Variants in EIF4G2 observed in about 807,000 individuals in gnomAD.
EIF4G2 encodes eukaryotic translation initiation factor 4 gamma 2.
EIF4G2 carries 8 observed loss-of-function variants against 117.7 expected under a neutral mutation model. That is an observed-to-expected ratio of 0.07 (90% CI 0.04 to 0.12). The LOEUF (loss-of-function observed/expected upper bound fraction) is 0.12. Ranked by LOEUF, EIF4G2 falls within the 10% of genes least tolerant of loss-of-function variation. The probability of loss-of-function intolerance (pLI) is 1.00; values close to 1 mark genes in which losing one functional copy is unlikely to be tolerated. For missense variants in EIF4G2, 812 were observed against 1,086.2 expected, an observed-to-expected ratio of 0.75 and a Z score of 3.55; for synonymous variants, 413 against 367.8, an observed-to-expected ratio of 1.12 and a Z score of -1.41.
chr11:10,801,456 C>T, intron 14 of EIF4G2: 1 of 722,884 alleles, frequency 1.4e-6, no homozygotes, highest in South Asian at 1.5e-5. Context: ...CTCTAACAGA[C>T]TTTAGGAGAC....
At position 10,803,854 on chromosome 11, in the gene EIF4G2, T is replaced by C. The variant is rs778578284; in HGVS notation, c.702+45A>G. 1 of 1,580,048 alleles carries C rather than the reference T, an allele frequency of 6.3e-7. No individual in the cohort carries two copies. The highest frequency in any genetic ancestry group is 8.6e-7 in the Non-Finnish European group (1 of 1,160,898). On this transcript the variant is annotated intron_variant, in intron 8 of 21. Transcript: ENST00000339995. The surrounding 1 kb of genome is among the most constrained non-coding windows in gnomAD (Gnocchi z 4.0). ...TTAGATGAATAATTGACTCATTTCC[T>C]CCAAACGACTGACTACATTCGCCTA...
chr11:10,799,930 A>C (rs1400455861), intron 18 of EIF4G2, 160 bp downstream of exon 18: 1 of 1,162,002 alleles, frequency 8.6e-7, no homozygotes, highest in Non-Finnish European at 1.2e-6. Flanking sequence ...GAAAGTAGTT[A>C]AATTATAAAT....
chr11:10,807,108 ATGGCAGTTC>A (rs1847599051), intron 2 of EIF4G2, 138 bp downstream of exon 2: 2 of 1,263,646 alleles, frequency 1.6e-6, no homozygotes, highest in Non-Finnish European at 2.2e-6. Flanking sequence ...TATTCTTCAG[ATGGCAGTTC>A]TTAGAAGGCT....
At chr11:10,800,063 A>C (rs201624742) in intron 18 of EIF4G2, 27 bp downstream of exon 18, 7 of 1,599,980 alleles carry the variant, frequency 4.4e-6, no homozygotes, top group Non-Finnish European at 6.0e-6. Context: ...TTAAAAAAAC[A>C]AAACAAACAA....
In EIF4G2 at chr11:10,802,435, C is replaced by A; in HGVS notation, c.997G>T (p.Asp333Tyr). The change falls in exon 12 of 22, where the codon GAT (aspartate) becomes TAT (tyrosine). Residue 333 changes from aspartate (D) to tyrosine (Y), a missense_variant and splice_region_variant. Asp to Tyr is a radical substitution (Grantham distance 160). Around this residue, in one of 4 missense-constraint regions of EIF4G2, gnomAD observed 154 missense variants for 322.1 expected, o/e 0.48. Coordinates refer to ENST00000339995, the MANE Select transcript of EIF4G2 (RefSeq NM_001418.4). ...GGAGCAGGAATAAACACCCCTAGAT[C>A]CTTTAGAAATGAAGTGAATATGCAC... is the stretch of plus-strand genomic sequence containing the variant. 6.4e-7 allele frequency: 1 copy of A among 1,570,988 alleles called. No individual in the cohort carries two copies.
Position 10,802,181 on chromosome 11 carries a change from A to G in EIF4G2, c.1167T>C (p.Val389=). ...TGGTGGGTGAAAATCTATCCTGGAT[A>G]ACTCCTGGACCAGTACCAATTCCGC... The change falls in exon 13 of 22, where the codon GTT becomes GTC. Residue 389 remains valine (V), a synonymous_variant. Coordinates refer to ENST00000339995, the MANE Select transcript of EIF4G2 (RefSeq NM_001418.4). 1 of 1,614,218 alleles carries G rather than the reference A, an allele frequency of 6.2e-7. No homozygotes were observed. The highest frequency in any genetic ancestry group is 1.3e-5 in the African/African-American group (1 of 75,046).
intron 14 of EIF4G2, 50 bp from the exon 15 acceptor site, chr11:10,801,137 A>G (rs1847404733): frequency 6.2e-7 from 1 of 1,608,350 alleles, no homozygotes; most frequent in Admixed American, 1.7e-5. Flanking sequence ...CAGTTGGCGA[A>G]CATATTAAAT....
In EIF4G2 at chr11:10,803,620, G is replaced by C; in HGVS notation, c.703-30C>G. 1.3e-6 allele frequency: 2 copies of C among 1,576,216 alleles called. No individual in the cohort carries two copies. The highest frequency in any genetic ancestry group is 1.7e-6 in the Non-Finnish European group (2 of 1,148,182). On this transcript the variant is annotated intron_variant, in intron 8 of 21. Transcript: ENST00000339995. The surrounding 1 kb of genome is among the most constrained non-coding windows in gnomAD (Gnocchi z 4.0). ...AAGAATAAAAGGCCATGGTGACAAA[G>C]TTTTAGTTACTCTGGTTTAGGCGTA...
intron 3 of EIF4G2, 92 bp downstream of exon 3, chr11:10,806,728 C>T: frequency 7.1e-7 from 1 of 1,403,602 alleles, no homozygotes; most frequent in Non-Finnish European, 1.0e-6. Context: ...GATTAGGAGT[C>T]TTGATGGCTA....
intron 5 of EIF4G2, 49 bp from the exon 6 acceptor site, chr11:10,804,467 AC>A (rs754697506): frequency 6.5e-7 from 1 of 1,529,366 alleles, no homozygotes; most frequent in Non-Finnish European, 8.8e-7. Flanking sequence ...TTCTCCAAGA[AC>A]CCTTCCTTTA....
chr11:10,798,813 A>T lies in EIF4G2; in HGVS notation c.2658+179T>A, dbSNP rs577789071. 9.3e-6 allele frequency: 7 copies of T among 751,552 alleles called. No homozygotes were observed. The South Asian group carries it at 1.5e-4, about 17-fold the overall frequency. The allele number at this position is 751,552 out of a possible 1,614,324, so 46.6% of individuals were successfully genotyped here. A position where few individuals can be genotyped will look rare whatever the true frequency, so the allele number is the denominator to read the frequency against. On this transcript the variant is annotated intron_variant, in intron 21 of 21. Coordinates refer to ENST00000339995, the MANE Select transcript of EIF4G2 (RefSeq NM_001418.4). ...AACATCTTATACACCACTAGAATTG[A>T]TTCATTGTGTAGCTTTACTTAATAA...
intron 1 of EIF4G2, 129 bp from the exon 2 acceptor site, chr11:10,807,510 T>TTGTACTGTAATTGTCA (rs1168307070): frequency 7.5e-7 from 1 of 1,327,260 alleles, no homozygotes; most frequent in Non-Finnish European, 9.6e-7. Context: ...TAACCTAAAA[T>TTGTACTGTAATTGTCA]GTACTCAAAA....
chr11:10,799,507 C>T (rs1435618122), intron 19 of EIF4G2, 45 bp downstream of exon 19: 2 of 1,609,176 alleles, frequency 1.2e-6, no homozygotes, highest in Non-Finnish European at 1.7e-6. Flanking sequence ...CGCTTCTTTT[C>T]CAGTACATGA....
intron 1 of EIF4G2, chr11:10,808,180 G>A (rs1015924671): frequency 8.9e-5 from 99 of 1,116,898 alleles, no homozygotes; most frequent in Non-Finnish European, 1.1e-4. Context: ...CAACCGCCTC[G>A]CCACGGCCTC....
At position 10,802,108 on chromosome 11, in the gene EIF4G2, T is replaced by G. The variant is rs375575231; in HGVS notation, c.1240A>C (p.Ile414Leu). Residue 414 changes from isoleucine to leucine, a missense_variant, in exon 13 of 22, where the codon ATC becomes CTC. Ile to Leu is a conservative substitution (Grantham distance 5, BLOSUM62 2). Coordinates refer to ENST00000339995, the MANE Select transcript of EIF4G2 (RefSeq NM_001418.4). Reference sequence around the variant, plus strand: ...AACTGCGATTGTGTGGGAGGCATGATGTGTCCCCCATGGCCATTGAAGAGT... The same window carrying G: ...AACTGCGATTGTGTGGGAGGCATGAGGTGTCCCCCATGGCCATTGAAGAGT... 9.5e-6 allele frequency: 11 copies of G among 1,158,630 alleles called. No individual in the cohort carries two copies. Among genetic ancestry groups the G allele is most frequent in the Middle Eastern group, 2.4e-4 (1 of 4,254 alleles). 71.8% of individuals were successfully genotyped at this position (1,158,630 alleles called of 1,614,324 possible).
At chr11:10,807,992 G>A (rs1223789335) in intron 1 of EIF4G2, 7 of 1,040,824 alleles carry the variant, frequency 6.7e-6, no homozygotes, top group Non-Finnish European at 5.8e-6. Context: ...GCAAGTTAGG[G>A]AAGTGCTTCC....
rs773452358 is a variant in EIF4G2, at chr11:10,803,888, G to A, written c.702+11C>T. 2.5e-6 allele frequency: 4 copies of A among 1,603,846 alleles called. No individual in the cohort carries two copies. The highest frequency in any genetic ancestry group is 1.7e-6 in the Non-Finnish European group (2 of 1,172,830). Reference sequence around the variant, plus strand: ...CTGACTACATTCGCCTAACTTCCCTGTCACACTTACTGTTTTGATGCACTT... The same window carrying A: ...CTGACTACATTCGCCTAACTTCCCTATCACACTTACTGTTTTGATGCACTT... On this transcript the variant is annotated intron_variant, in intron 8 of 21. Coordinates refer to ENST00000339995, the MANE Select transcript of EIF4G2 (RefSeq NM_001418.4). This position sits in a 1 kb window ranked among gnomAD's most constrained non-coding sequence, Gnocchi z 4.0.
At position 10,807,074 on chromosome 11, in the gene EIF4G2, G is replaced by C. The variant is rs1847597821; in HGVS notation, c.41+181C>G. ...ATGAAGACTGAACTCGGACCCAAAGGAAAGGCAAATAATTGATTTTATTTA... is the reference window on the plus strand; with the variant it reads ...ATGAAGACTGAACTCGGACCCAAAGCAAAGGCAAATAATTGATTTTATTTA... On this transcript the variant is annotated intron_variant, in intron 2 of 21. Coordinates refer to ENST00000339995, the MANE Select transcript of EIF4G2 (RefSeq NM_001418.4). The C allele has an allele frequency of 7.7e-6, 9 of 1,174,310 alleles. No homozygotes were observed. In the East Asian group the frequency reaches 2.1e-4, roughly 28 times the overall value. The allele number at this position is 1,174,310 out of a possible 1,614,324, so 72.7% of individuals were successfully genotyped here.
intron 21 of EIF4G2, 178 bp downstream of exon 21, chr11:10,798,814 T>C: frequency 1.3e-6 from 1 of 755,750 alleles, no homozygotes; most frequent in Non-Finnish European, 2.1e-6. Context: ...CTAGAATTGA[T>C]TCATTGTGTA....
Sources: allele counts gnomAD v4.1 joint callset, GRCh38; gene constraint gnomAD v4.1.1; regional missense constraint gnomAD v4.1.1; non-coding constraint Gnocchi (gnomAD v3.1); transcripts MANE v1.5; gene names NCBI Gene and HGNC (gene_info 2026-07-23, HGNC 2026-07-21).